SCARA5: variants seen among roughly 807,000 people sequenced by gnomAD.
The protein encoded by SCARA5 is scavenger receptor class A, member 5 (putative).
In SCARA5, 45 loss-of-function variants were observed where a neutral mutation model predicts 46.3. That is an observed-to-expected ratio of 0.97 (90% confidence interval 0.76 to 1.24). The LOEUF is 1.24. SCARA5 is among the 50% of genes most tolerant of loss of function. SCARA5 has a pLI of 0.00. For synonymous variants in SCARA5, 333 were observed against 306.5 expected, an observed-to-expected ratio of 1.09 and a Z score of -0.90; for missense variants, 680 against 689.0, an observed-to-expected ratio of 0.99 and a Z score of 0.15.
At chr8:27,942,079 T>G (rs1807955320) in intron 3 of SCARA5, among the ~76,000 whole-genome samples, 1 of 151,996 alleles carries the variant, frequency 6.6e-6, no homozygotes, top group African/African-American at 2.4e-5. Flanking sequence ...TCTACCCACC[T>G]CGGCCTCCCA....
intron 4 of SCARA5, among the ~76,000 whole-genome samples, chr8:27,915,377 G>A (rs910301397): frequency 2.6e-5 from 4 of 152,152 alleles, no homozygotes; most frequent in Admixed American, 1.3e-4. Flanking sequence ...CTTCCCAGCA[G>A]AGTCCGTGTG....
At chr8:27,945,279 G>A (rs919372398) in intron 3 of SCARA5, among the ~76,000 whole-genome samples, 18 of 151,926 alleles carry the variant, frequency 1.2e-4, no homozygotes, top group African/African-American at 3.9e-4. Context: ...CTTTGATCAC[G>A]ATAGCTTTTG....
At chr8:27,879,817 G>GC in intron 7 of SCARA5, 51 bp from the exon 8 acceptor site, 1 of 1,563,784 alleles carries the variant, frequency 6.4e-7, no homozygotes, top group Non-Finnish European at 8.7e-7. Flanking sequence ...ACCAGGACCC[G>GC]CCCCCAGGGG....
At chr8:27,883,684 A>G (rs1286785388) in intron 7 of SCARA5, among the ~76,000 whole-genome samples, 4 of 152,190 alleles carry the variant, frequency 2.6e-5, no homozygotes, top group African/African-American at 9.7e-5. Context: ...TCAGTAATCC[A>G]AGGCCAGAGA....
chr8:27,915,485 C>T (rs1002856877), intron 4 of SCARA5, among the ~76,000 whole-genome samples: 9 of 152,324 alleles, frequency 5.9e-5, no homozygotes, highest in African/African-American at 2.2e-4. Context: ...GGCCACTTTA[C>T]CTGTCACTCC....
At chr8:27,873,279 C>T (rs1403660489) in intron 8 of SCARA5, among the ~76,000 whole-genome samples, 4 of 152,096 alleles carry the variant, frequency 2.6e-5, no homozygotes, top group African/African-American at 2.4e-5. Flanking sequence ...CATACCATCC[C>T]GCCAAAACTT....
At chr8:27,895,885 A>G (rs2129719770) in intron 7 of SCARA5, among the ~76,000 whole-genome samples, 1 of 152,298 alleles carries the variant, frequency 6.6e-6, no homozygotes, top group East Asian at 1.9e-4. Context: ...TGATCTTGCT[A>G]TTCCTGGCTA....
intron 3 of SCARA5, among the ~76,000 whole-genome samples, chr8:27,932,026 T>G (rs1346402016): frequency 6.6e-6 from 1 of 152,134 alleles, no homozygotes; most frequent in East Asian, 1.9e-4. Flanking sequence ...TCACCCAGGC[T>G]GGAGTGCAGT....
At chr8:27,879,240 A>G (rs1357977709) in intron 8 of SCARA5, among the ~76,000 whole-genome samples, 2 of 152,178 alleles carry the variant, frequency 1.3e-5, no homozygotes, top group African/African-American at 4.8e-5. Context: ...ACATGAGAGC[A>G]CGTTATAAAG....
chr8:27,928,619 G>A (rs752657341), intron 3 of SCARA5, among the ~76,000 whole-genome samples: 2 of 151,968 alleles, frequency 1.3e-5, no homozygotes, highest in African/African-American at 4.8e-5. Context: ...GGGTGGACAC[G>A]GAGAACACAC....
chr8:27,947,055 A>G (rs1808049228), intron 3 of SCARA5, among the ~76,000 whole-genome samples: 1 of 144,396 alleles, frequency 6.9e-6, no homozygotes, highest in Admixed American at 7.1e-5. Context: ...TCTGTCACCC[A>G]GGCTGGAGTG....
intron 7 of SCARA5, among the ~76,000 whole-genome samples, chr8:27,896,269 C>G (rs1807062567): frequency 6.6e-6 from 1 of 152,182 alleles, no homozygotes; most frequent in Admixed American, 6.5e-5. Flanking sequence ...TTCTTGAAGG[C>G]TCAGGTTCAT....
At chr8:27,895,427 G>A (rs1807048325) in intron 7 of SCARA5, among the ~76,000 whole-genome samples, 1 of 152,330 alleles carries the variant, frequency 6.6e-6, no homozygotes, top group African/African-American at 2.4e-5. Context: ...GGAGGGCATC[G>A]CTTTCAAAAT....
At chr8:27,913,340 G>A (rs1807409455) in intron 4 of SCARA5, among the ~76,000 whole-genome samples, 1 of 152,192 alleles carries the variant, frequency 6.6e-6, no homozygotes, top group East Asian at 1.9e-4. Context: ...AGAGCCTCGA[G>A]GGGCCGAGCT....
chr8:27,924,639 C>T (rs1307565872), intron 3 of SCARA5, among the ~76,000 whole-genome samples: 1 of 152,202 alleles, frequency 6.6e-6, no homozygotes, highest in Non-Finnish European at 1.5e-5. Flanking sequence ...TTTCTGTATT[C>T]TGTTCAGACT....
chr8:27,983,545 G>A (rs567146890), intron 2 of SCARA5, among the ~76,000 whole-genome samples: 167 of 152,300 alleles, frequency 1.1e-3, no homozygotes, highest in African/African-American at 3.7e-3. Context: ...CTCAGAGTCC[G>A]GTTCCAGCTC....
intron 2 of SCARA5, among the ~76,000 whole-genome samples, chr8:27,974,880 G>T (rs959547689): frequency 1.7e-4 from 25 of 151,276 alleles, no homozygotes; most frequent in African/African-American, 5.8e-4. Flanking sequence ...CAACTGTGAT[G>T]TTGTGAAGTC....
chr8:27,980,648 C>A (rs1196555095), intron 2 of SCARA5, among the ~76,000 whole-genome samples: 1 of 152,204 alleles, frequency 6.6e-6, no homozygotes, highest in Admixed American at 6.5e-5. Flanking sequence ...CAGCCTCTAC[C>A]CTGAGACAAG....
chr8:27,941,010 A>G (rs1807936754), intron 3 of SCARA5, among the ~76,000 whole-genome samples: 1 of 152,174 alleles, frequency 6.6e-6, no homozygotes, highest in African/African-American at 2.4e-5. Context: ...GCTAGTGACA[A>G]TCATCAATCA....
Sources: gnomAD v4.1 joint callset for allele counts (sites outside exome capture counted in the v4.1 genomes callset) on GRCh38, gnomAD v4.1.1 for gene constraint, MANE v1.5 for transcripts, NCBI Gene and HGNC (gene_info 2026-07-23, HGNC 2026-07-21) for gene names.